MICAL2: variants seen among roughly 807,000 people sequenced by gnomAD.
MICAL2 encodes the protein microtubule associated monooxygenase, calponin and LIM domain containing 2, also known as [F-actin]-monooxygenase MICAL2.
In MICAL2, 77 loss-of-function variants were observed where a neutral mutation model predicts 127.3. That is an observed-to-expected ratio of 0.60 (90% CI 0.50 to 0.73). The LOEUF (loss-of-function observed/expected upper bound fraction) is 0.73, where lower values mean the gene tolerates loss of function less well. MICAL2 is among the 30% of genes least tolerant of loss of function. The pLI, the probability that MICAL2 is intolerant of heterozygous loss-of-function variation, is 0.00. For missense variants in MICAL2, 1,351 were observed against 1,434.4 expected (o/e 0.94, Z 0.94); for synonymous variants, 570 against 551.1 (o/e 1.03, Z -0.48).
chr11:12,227,331 CT>C, intron 15 of MICAL2, 200 bp downstream of exon 15: 1 of 542,394 alleles, frequency 1.8e-6, no homozygotes, highest in Non-Finnish European at 3.3e-6. Flanking sequence ...GTTTCAATGA[CT>C]TCAAAGTGGT....
At chr11:12,200,146 G>A (rs565868091) in intron 3 of MICAL2, among the ~76,000 whole-genome samples, 1 of 152,292 alleles carries the variant, frequency 6.6e-6, no homozygotes, top group African/African-American at 2.4e-5. Flanking sequence ...CAGAGGACAG[G>A]GGCAGCCTTA....
chr11:12,201,579 A>G (rs1024875187), intron 3 of MICAL2, among the ~76,000 whole-genome samples: 2 of 151,956 alleles, frequency 1.3e-5, no homozygotes, highest in African/African-American at 2.4e-5. Context: ...TTTCAGCCAG[A>G]GTATTGCCAT....
chr11:12,173,637 T>C (rs976093453), intron 3 of MICAL2, among the ~76,000 whole-genome samples: 17 of 152,246 alleles, frequency 1.1e-4, no homozygotes, highest in Non-Finnish European at 2.2e-4. Context: ...CACCGCTTCC[T>C]GTTTCCAAGA....
rs1026903000 is a variant in MICAL2, at chr11:12,330,572, G to A, written c.5515+3306G>A. 1.8e-4 allele frequency among the ~76,000 whole-genome samples: 27 copies of A among 152,234 alleles called. No homozygotes were observed. In the South Asian group the frequency reaches 2.3e-3, roughly 13 times the overall value. ...GAGGAACATGCGGGGGTGCGGGATG[G>A]AGGGCAATGATGGCTGATGAGCAAA... On this transcript the variant is annotated intron_variant, in intron 32 of 34. Coordinates refer to the MICAL2 transcript ENST00000646065.
intron 23 of MICAL2, 133 bp from the exon 24 acceptor site, chr11:12,256,652 G>A (rs917521356): frequency 5.0e-6 from 4 of 801,860 alleles, no homozygotes; most frequent in Admixed American, 5.9e-5. Context: ...CCTCTTTGCT[G>A]CAGTGGCAGT....
intron 18 of MICAL2, 21 bp downstream of exon 18, chr11:12,241,183 T>G: frequency 1.2e-6 from 2 of 1,609,068 alleles, no homozygotes; most frequent in Non-Finnish European, 8.5e-7. Flanking sequence ...TTCCAGTGGA[T>G]GCTGTTTTGG....
intron 33 of MICAL2, among the ~76,000 whole-genome samples, chr11:12,353,629 G>A (rs1327066267): frequency 6.6e-6 from 1 of 152,134 alleles, no homozygotes; most frequent in Non-Finnish European, 1.5e-5. Flanking sequence ...CACACCCACG[G>A]TGATCTCAAT....
intron 32 of MICAL2, among the ~76,000 whole-genome samples, chr11:12,345,510 C>A (rs1262135278): frequency 6.6e-6 from 1 of 152,168 alleles, no homozygotes; most frequent in African/African-American, 2.4e-5. Flanking sequence ...GTACAGGATG[C>A]CCATTTATCA....
intron 32 of MICAL2, among the ~76,000 whole-genome samples, chr11:12,341,609 C>T (rs1938867178): frequency 6.6e-6 from 1 of 152,030 alleles, no homozygotes; most frequent in Non-Finnish European, 1.5e-5. Context: ...GGCAGATTAC[C>T]TAAGGTCAGG....
At chr11:12,273,614 CA>C (rs1165625405), upstream of MICAL2, among the ~76,000 whole-genome samples, 3 of 149,884 alleles carry the variant, frequency 2.0e-5, no homozygotes, top group African/African-American at 4.9e-5. Flanking sequence ...AAAATTTCTT[CA>C]GTCATCTTCA....
At chr11:12,269,054 CAGA>C (rs914248976) in intron 24 of MICAL2, among the ~76,000 whole-genome samples, 4 of 152,104 alleles carry the variant, frequency 2.6e-5, no homozygotes, top group African/African-American at 9.7e-5. Flanking sequence ...CTAGAAATGC[CAGA>C]AGATCAGATT....
At chr11:12,262,577 A>T in intron 27 of MICAL2, 40 bp downstream of exon 27, 5 of 1,545,324 alleles carry the variant, frequency 3.2e-6, no homozygotes, top group Non-Finnish European at 4.5e-6. Context: ...AGTGGTACTA[A>T]CCCCCAACCC....
intron 31 of MICAL2, among the ~76,000 whole-genome samples, chr11:12,324,641 C>T (rs1864335442): frequency 6.6e-6 from 1 of 152,182 alleles, no homozygotes; most frequent in East Asian, 1.9e-4. Context: ...TCTGAGGAAC[C>T]CAAGCCTAGT....
At chr11:12,362,094 A>G (rs2134922947), downstream of MICAL2, among the ~76,000 whole-genome samples, 1 of 152,380 alleles carries the variant, frequency 6.6e-6, no homozygotes, top group African/African-American at 2.4e-5. Flanking sequence ...TGCTATAGAT[A>G]CTGAAATGAA....
At position 12,258,575 on chromosome 11, in the gene MICAL2, T is replaced by C; in HGVS notation, c.3231+19T>C. On this transcript the variant is annotated intron_variant, in intron 25 of 27. Coordinates refer to ENST00000683283, the MANE Select transcript of MICAL2 (RefSeq NM_001282663.2). Reference sequence around the variant, plus strand: ...AAGAGAGGTATGTTTGTCTCAAACATGCTGGTGAAACGGGGAAGGCCCCTT... The same window carrying C: ...AAGAGAGGTATGTTTGTCTCAAACACGCTGGTGAAACGGGGAAGGCCCCTT... The C allele has an allele frequency of 1.2e-6, 2 of 1,607,704 alleles. No individual in the cohort carries two copies. The highest frequency in any genetic ancestry group is 1.7e-6 in the Non-Finnish European group (2 of 1,175,252).
At chr11:12,228,841 T>TG (rs1455546835) in intron 15 of MICAL2, among the ~76,000 whole-genome samples, 7 of 152,042 alleles carry the variant, frequency 4.6e-5, no homozygotes, top group Non-Finnish European at 7.4e-5. Context: ...GGGGAGTTCC[T>TG]GGGGTGGTCA....
rs954214426 is a variant in MICAL2, at chr11:12,110,835, C to G, written c.-149+109C>G. The stretch of plus-strand genomic sequence containing the variant: ...CGCCGTGTCCAACGCCCGGGAGGGT[C>G]AGGTGCGGCCGCAGCATCCCCCGCC... On this transcript the variant is annotated intron_variant, in intron 1 of 27. Transcript: ENST00000683283. The surrounding 1 kb of genome is among the most constrained non-coding windows in gnomAD (Gnocchi z 4.5). 1 of 152,144 alleles carries G rather than the reference C, an allele frequency of 6.6e-6. No individual in the cohort carries two copies. The highest frequency in any genetic ancestry group is 2.4e-5 in the African/African-American group (1 of 41,448). The allele number at this position is 152,144 out of a possible 1,614,324, so 9.4% of individuals were successfully genotyped here.
intron 2 of MICAL2, among the ~76,000 whole-genome samples, chr11:12,281,940 A>C (rs1863776510): frequency 6.6e-6 from 1 of 152,206 alleles, no homozygotes; most frequent in Admixed American, 6.5e-5. Flanking sequence ...GGGAAGAAAC[A>C]GTCTAACCTG....
chr11:12,120,462 G>C (rs1850412710), intron 1 of MICAL2, among the ~76,000 whole-genome samples: 1 of 152,188 alleles, frequency 6.6e-6, no homozygotes, highest in Non-Finnish European at 1.5e-5. Context: ...GGTGGAAGCT[G>C]CCTGCTCTTC....
Sources: gnomAD v4.1 joint callset for allele counts (sites outside exome capture counted in the v4.1 genomes callset) on GRCh38, gnomAD v4.1.1 for gene constraint, Gnocchi (gnomAD v3.1) non-coding constraint, MANE v1.5 for transcripts, NCBI Gene and HGNC (gene_info 2026-07-23, HGNC 2026-07-21) for gene names.